Variants in OPLAH observed in about 807,000 individuals in gnomAD.
OPLAH encodes 5-oxoprolinase, ATP-hydrolysing, also known as 5-oxoprolinase.
Under a neutral mutation model 122.8 loss-of-function variants are expected in OPLAH, and 103 were observed. The observed-to-expected ratio is 0.84, with a 90% CI of 0.71 to 0.99. OPLAH has a LOEUF of 0.99. OPLAH is among the 50% of genes least tolerant of loss of function. OPLAH has a pLI of 0.00. For missense variants in OPLAH, 1,902 were observed against 1,836.5 expected, an observed-to-expected ratio of 1.04 and a Z score of -0.65; for synonymous variants, 875 against 796.0, an observed-to-expected ratio of 1.10 and a Z score of -1.67.
chr8:144,054,714 G>C lies in OPLAH; in HGVS notation c.2533C>G (p.Arg845Gly). ...ITPVFWPGQTRPVFYVASRGH... is the reference protein window; with the variant it reads ...ITPVFWPGQTGPVFYVASRGH... ...CGGCTGGCCACATAGAACACAGGCC[G>C]CGTCTGACCCGGCCAAAACACCTAG... Residue 845 changes from arginine (R) to glycine (G), a missense_variant, in exon 19 of 27, where the codon CGG (arginine) becomes GGG (glycine). Arg to Gly is a moderately radical substitution (Grantham distance 125). Transcript: ENST00000618853. The C allele has an allele frequency of 6.2e-7, 1 of 1,612,372 alleles. No individual in the cohort carries two copies.
chr8:144,055,547 C>T lies in OPLAH; in HGVS notation c.2248+241G>A, dbSNP rs1025548647. On this transcript the variant is annotated intron_variant, in intron 16 of 26. Coordinates refer to ENST00000618853, the MANE Select transcript of OPLAH (RefSeq NM_017570.5). The surrounding 1 kb of genome is among the most constrained non-coding windows in gnomAD (Gnocchi z 6.5). ...GGGTTCCCTGTGCTGTCCTCAGTAT[C>T]CCTTCCTTAGCTAGGAGGGCACTCT... 1.3e-5 allele frequency among the ~76,000 whole-genome samples: 2 copies of T among 152,106 alleles called. No homozygotes were observed. The highest frequency in any genetic ancestry group is 4.8e-5 in the African/African-American group (2 of 41,406).
chr8:144,059,657 C>T lies in OPLAH; in HGVS notation c.305G>A (p.Arg102His), dbSNP rs1029569510. The T allele has an allele frequency of 1.7e-5, 28 of 1,612,438 alleles. No individual in the cohort carries two copies. The highest frequency in any genetic ancestry group is 2.7e-5 in the African/African-American group (2 of 74,948). ...KGERVALLVT[R>H]GFRDLLHIGT... ...AATGTGCAGCAGGTCTCGGAAGCCA[C>T]GTGTCACCAGCAGCGCCACCCGCTC... Residue 102 changes from arginine to histidine, a missense_variant, in exon 3 of 27, where the codon CGT (arginine) becomes CAT (histidine). Around this residue, in one of 3 missense-constraint regions of OPLAH, gnomAD observed 168 missense variants for 170.6 expected, o/e 0.98. Coordinates refer to ENST00000618853, the MANE Select transcript of OPLAH (RefSeq NM_017570.5).
At position 144,058,408 on chromosome 8, in the gene OPLAH, C is replaced by T. The variant is rs918928058; in HGVS notation, c.784-4G>A. 7 of 1,587,386 alleles carry T rather than the reference C, an allele frequency of 4.4e-6. No individual in the cohort carries two copies. The highest frequency in any genetic ancestry group is 1.7e-4 in the Middle Eastern group (1 of 5,914). On this transcript the variant is annotated splice_polypyrimidine_tract_variant and splice_region_variant and intron_variant, in intron 6 of 26. Coordinates refer to ENST00000618853, the MANE Select transcript of OPLAH (RefSeq NM_017570.5). The stretch of plus-strand genomic sequence containing the variant: ...GCATGAACAACACCTGCACATCCTG[C>T]GAGCGGGCAGCAGGCGGGCCATGAG...
Position 144,058,244 on chromosome 8 carries a change from A to G in OPLAH, c.944T>C (p.Met315Thr), listed in dbSNP as rs1835576133. Residue 315 changes from methionine (M) to threonine (T), a missense_variant, in exon 7 of 27, where the codon ATG becomes ACG. Met to Thr is a moderately conservative substitution (Grantham distance 81). Transcript: ENST00000618853. Reference protein sequence around the residue: ...EGGQPVIGFDMGGTSTDVSRY... With the variant: ...EGGQPVIGFDTGGTSTDVSRY... The stretch of plus-strand genomic sequence containing the variant: ...CCAGCCCTCGGCCCTCATACCTCCC[A>G]TGTCAAAGCCGATGACAGGCTGGCC... 1 of 1,608,984 alleles carries G rather than the reference A, an allele frequency of 6.2e-7. No individual in the cohort carries two copies. Among genetic ancestry groups the G allele is most frequent in the African/African-American group, 1.3e-5 (1 of 74,758 alleles).
rs782223796 is a variant in OPLAH at position 144,058,966 on chromosome 8, G to A, written c.463+14C>T. 2.6e-5 allele frequency: 41 copies of A among 1,559,920 alleles called. No homozygotes were observed. Among genetic ancestry groups the A allele is most frequent in the Middle Eastern group, 1.7e-4 (1 of 6,004 alleles). ...CTCCGGCCCCAAATCCCACAGCAGC[G>A]GCGGCACACACACCTTTCACAGGCG... On this transcript the variant is annotated intron_variant, in intron 4 of 26. Coordinates refer to ENST00000618853, the MANE Select transcript of OPLAH (RefSeq NM_017570.5).
At position 144,055,403 on chromosome 8, in the gene OPLAH, C is replaced by T. The variant is rs1465751357; in HGVS notation, c.2249-214G>A. ...CTTCCCCAGCCCTGCCTGGAGCCCC[C>T]AGCAAGAACCCAGTGCCACCCCTCG... On this transcript the variant is annotated intron_variant, in intron 16 of 26. Transcript: ENST00000618853. The surrounding 1 kb of genome is among the most constrained non-coding windows in gnomAD (Gnocchi z 6.5). 2.0e-5 allele frequency among the ~76,000 whole-genome samples: 3 copies of T among 151,982 alleles called. No individual in the cohort carries two copies. Among genetic ancestry groups the T allele is most frequent in the African/African-American group, 7.3e-5 (3 of 41,366 alleles).
chr8:144,050,454 G>T (rs1835347134), downstream of OPLAH: 1 of 985,530 alleles, frequency 1.0e-6, no homozygotes, highest in Non-Finnish European at 1.2e-6. Context: ...ATAACTGCTG[G>T]AAAGGTCCAG....
In OPLAH at chr8:144,054,712, C is replaced by G. The variant is rs1198977857; in HGVS notation, c.2535G>C (p.Arg845=). The change falls in exon 19 of 27, where the codon CGG becomes CGC. Residue 845 remains arginine, a synonymous_variant. Transcript: ENST00000618853. ...CTCGGCTGGCCACATAGAACACAGG[C>G]CGCGTCTGACCCGGCCAAAACACCT... The part of the protein sequence containing the change: ...ITPVFWPGQT[R]PVFYVASRGH... 1 of 1,612,292 alleles carries G rather than the reference C, an allele frequency of 6.2e-7. No homozygotes were observed. The highest frequency in any genetic ancestry group is 8.5e-7 in the Non-Finnish European group (1 of 1,179,852).
intron 19 of OPLAH, among the ~76,000 whole-genome samples, chr8:144,053,614 T>C (rs1371699403): frequency 1.3e-5 from 2 of 152,068 alleles, no homozygotes; most frequent in African/African-American, 4.8e-5. Context: ...TGTCCCTCTG[T>C]GGTCCACAAC....
chr8:144,054,779 C>A, intron 18 of OPLAH, 33 bp downstream of exon 18: 1 of 1,612,042 alleles, frequency 6.2e-7, no homozygotes, highest in Non-Finnish European at 8.5e-7. Flanking sequence ...GCCACCACTG[C>A]CCCAGCAGAG....
rs1295199832 is a variant in OPLAH at position 144,054,973 on chromosome 8, G to C, written c.2409+56C>G. The C allele has an allele frequency of 3.1e-5, 34 of 1,095,102 alleles. No homozygotes were observed. In the Middle Eastern group the frequency reaches 9.6e-4, roughly 31 times the overall value. The allele number at this position is 1,095,102 out of a possible 1,614,324, so 67.8% of individuals were successfully genotyped here. A position where few individuals can be genotyped will look rare whatever the true frequency, so the allele number is the denominator to read the frequency against. ...GGGAGCAGGGGCCAGAGCGGGGTGG[G>C]GGGGGGGTGGAGGGTGAGGGAGGGG... On this transcript the variant is annotated intron_variant, in intron 17 of 26. Coordinates refer to ENST00000618853, the MANE Select transcript of OPLAH (RefSeq NM_017570.5).
At position 144,056,555 on chromosome 8, in the gene OPLAH, C is replaced by G. The variant is rs370111910; in HGVS notation, c.1845-32G>C. The G allele has an allele frequency of 2.5e-6, 4 of 1,612,130 alleles. No homozygotes were observed. The African/African-American group carries it at 5.3e-5, about 22-fold the overall frequency. ...TCCCCGCGGGGACCCAAGGAGTGGT[C>G]AGAGTGAGGCGGCCAGACAGGAGGG... On this transcript the variant is annotated intron_variant, in intron 13 of 26. Coordinates refer to ENST00000618853, the MANE Select transcript of OPLAH (RefSeq NM_017570.5).
At chr8:144,063,650 C>A (rs185508105), upstream of OPLAH, 26 of 152,722 alleles carry the variant, frequency 1.7e-4, no homozygotes, top group African/African-American at 6.0e-4. This position sits in a 1 kb window ranked among gnomAD's most constrained non-coding sequence, Gnocchi z 4.2. Flanking sequence ...CCGCAGCACC[C>A]AGCGGGTTTG....
upstream of OPLAH, among the ~76,000 whole-genome samples, chr8:144,061,595 G>A (rs1835664469): frequency 6.6e-6 from 1 of 152,028 alleles, no homozygotes; most frequent in African/African-American, 2.4e-5. Context: ...CAAAACCATC[G>A]TCCTACACTC....
At chr8:144,056,846 C>T (rs988743095) in intron 12 of OPLAH, 91 bp from the exon 13 acceptor site, 8 of 1,517,164 alleles carry the variant, frequency 5.3e-6, no homozygotes, top group South Asian at 3.9e-5. Context: ...TTCTGCTTCT[C>T]GCACACCCCG....
Position 144,059,889 on chromosome 8 carries a change from G to C in OPLAH, c.144C>G (p.Thr48=). ...EDPANYADAP[T]EGIRRILEQE... is the part of the protein sequence containing the mutation. The stretch of plus-strand genomic sequence containing the variant: ...GCTCCAGGATGCGGCGGATGCCTTC[G>C]GTTGGCGCGTCCGCATAGTTGGCAG... Residue 48 remains threonine, a synonymous_variant, in exon 2 of 27, where the codon ACC becomes ACG. Transcript: ENST00000618853. 2 of 1,612,754 alleles carry C rather than the reference G, an allele frequency of 1.2e-6. No individual in the cohort carries two copies. The highest frequency in any genetic ancestry group is 1.7e-6 in the Non-Finnish European group (2 of 1,179,814).
Position 144,056,988 on chromosome 8 carries a change from C to T in OPLAH, c.1666G>A (p.Glu556Lys), listed in dbSNP as rs1554759385. ...QLDQRLSRLE[E>K]QCVDALQAQG... ...GCCTGCAGAGCATCCACACACTGCT[C>T]CTCCAGGCGGCTCAGCCTCTGGTCC... Residue 556 changes from glutamate (E) to lysine (K), a missense_variant, in exon 12 of 27, where the codon GAG (glutamate) becomes AAG (lysine). By Grantham distance (56) the Glu-to-Lys change is moderately conservative (BLOSUM62 1). Coordinates refer to ENST00000618853, the MANE Select transcript of OPLAH (RefSeq NM_017570.5). 6.3e-7 allele frequency: 1 copy of T among 1,588,870 alleles called. No homozygotes were observed. Among genetic ancestry groups the T allele is most frequent in the South Asian group, 1.1e-5 (1 of 87,228 alleles).
upstream of OPLAH, among the ~76,000 whole-genome samples, chr8:144,062,254 G>C (rs762717860): frequency 5.3e-5 from 8 of 152,084 alleles, no homozygotes; most frequent in African/African-American, 1.9e-4. Flanking sequence ...CAGGGATGGG[G>C]CCCAGGATCA....
rs781906460 is a variant in OPLAH at position 144,051,403 on chromosome 8, C to T, written c.3790G>A (p.Gly1264Arg). Residue 1264 changes from glycine to arginine, a missense_variant, in exon 27 of 27, where the codon GGG becomes AGG. This residue lies in a region of OPLAH where 1,726 missense variants were observed against 1,642.1 expected (regional missense o/e 1.05). Transcript: ENST00000618853. The part of the protein sequence containing the change: ...GDPEDPAPPP[G>R]SPPQALAFPE... Reference sequence around the variant, plus strand: ...AAGGCCAGTGCTTGCGGGGGCGACCCCGGCGGTGGGGCGGGGTCCTCCGGG... The same window carrying T: ...AAGGCCAGTGCTTGCGGGGGCGACCTCGGCGGTGGGGCGGGGTCCTCCGGG... 1 of 1,596,250 alleles carries T rather than the reference C, an allele frequency of 6.3e-7. No individual in the cohort carries two copies. Among genetic ancestry groups the T allele is most frequent in the Middle Eastern group, 1.7e-4 (1 of 5,816 alleles).
Sources: gnomAD v4.1 joint callset for allele counts (sites outside exome capture counted in the v4.1 genomes callset) on GRCh38, gnomAD v4.1.1 for gene constraint, gnomAD v4.1.1 regional missense constraint, Gnocchi (gnomAD v3.1) non-coding constraint, MANE v1.5 for transcripts, NCBI Gene and HGNC (gene_info 2026-07-23, HGNC 2026-07-21) for gene names.